KCNH1: variants seen among roughly 807,000 people sequenced by gnomAD.
KCNH1 encodes voltage-gated delayed rectifier potassium channel KCNH1.
In KCNH1, 27 loss-of-function variants were observed where a neutral mutation model predicts 69.2. The ratio of observed to expected loss-of-function variants is 0.39; its 90% confidence interval spans 0.29 to 0.54. The LOEUF is 0.54. Among genes scored for constraint, KCNH1 ranks in the 20% least tolerant of loss-of-function variants. The pLI is 0.68. For missense variants in KCNH1, 798 were observed against 1,261.6 expected (o/e 0.63, Z 5.57); for synonymous variants, 456 against 487.7 (o/e 0.93, Z 0.86).
At chr1:210,975,622 T>G (rs956953659) in intron 6 of KCNH1, among the ~76,000 whole-genome samples, 3 of 152,176 alleles carry the variant, frequency 2.0e-5, no homozygotes, top group African/African-American at 7.2e-5. Flanking sequence ...AAGACTTATA[T>G]GTTAGACCTA....
At chr1:210,815,234 A>G (rs1036068661) in intron 7 of KCNH1, among the ~76,000 whole-genome samples, 1 of 152,212 alleles carries the variant, frequency 6.6e-6, no homozygotes, top group Admixed American at 6.5e-5. Flanking sequence ...TGCTATACCA[A>G]TAAATACTCA....
At chr1:211,063,836 T>C (rs1198456492) in intron 5 of KCNH1, 2 of 151,680 alleles carry the variant, frequency 1.3e-5, no homozygotes, top group African/African-American at 4.8e-5. Context: ...AACTGAAAAA[T>C]AGAATTTTTT....
intron 10 of KCNH1, among the ~76,000 whole-genome samples, chr1:210,716,310 T>C (rs1164139491): frequency 6.6e-6 from 1 of 151,560 alleles, no homozygotes; most frequent in Non-Finnish European, 1.5e-5. Context: ...TGGGCATCTG[T>C]AATCCCAGCT....
chr1:210,758,682 G>A (rs995711085), intron 10 of KCNH1, among the ~76,000 whole-genome samples: 4 of 152,180 alleles, frequency 2.6e-5, no homozygotes, highest in African/African-American at 9.7e-5. Flanking sequence ...AAATGGACCT[G>A]GAGAGGGGAT....
intron 1 of KCNH1, among the ~76,000 whole-genome samples, chr1:211,119,021 T>G (rs574366270): frequency 6.6e-6 from 1 of 152,320 alleles, no homozygotes; most frequent in African/African-American, 2.4e-5. Context: ...CCTGACATTT[T>G]GGAAATAGAA....
At chr1:210,963,493 G>C (rs564138776) in intron 6 of KCNH1, among the ~76,000 whole-genome samples, 2 of 152,074 alleles carry the variant, frequency 1.3e-5, no homozygotes, top group African/African-American at 2.4e-5. Flanking sequence ...ACTCCTCTGA[G>C]CTAAAGGAGC....
At chr1:210,723,826 G>A (rs1000159752) in intron 10 of KCNH1, among the ~76,000 whole-genome samples, 3 of 152,174 alleles carry the variant, frequency 2.0e-5, no homozygotes, top group Non-Finnish European at 4.4e-5. Context: ...AAGCATGGTT[G>A]GGCAGCATTG....
In KCNH1 at chr1:211,082,683, G is replaced by T. The variant is rs576213454; in HGVS notation, c.558+97C>A. On this transcript the variant is annotated intron_variant, in intron 5 of 10. Transcript: ENST00000271751. The stretch of plus-strand genomic sequence containing the variant: ...AGACAGGCGTCTGGGGGTCCTGAAG[G>T]TCCTCTCCATGATTAGCACACTAGT... 4.6e-4 allele frequency: 426 copies of T among 935,590 alleles called. 1 individual carries two copies. In the African/African-American group the frequency reaches 4.9e-3, roughly 11 times the overall value. 58.0% of individuals were successfully genotyped at this position (935,590 alleles called of 1,614,324 possible).
At chr1:210,977,207 C>T (rs1003376925) in intron 6 of KCNH1, among the ~76,000 whole-genome samples, 3 of 152,128 alleles carry the variant, frequency 2.0e-5, no homozygotes, top group Non-Finnish European at 4.4e-5. Flanking sequence ...AAAAACCAAA[C>T]ACCACATGTT....
rs548944181 is a variant in KCNH1 at position 210,780,413 on chromosome 1, A to C, written c.1916-4869T>G. Among the ~76,000 whole-genome samples, 3 of 152,290 alleles carry C rather than the reference A, an allele frequency of 2.0e-5. No individual in the cohort carries two copies. In the South Asian group the frequency reaches 6.2e-4, roughly 32 times the overall value. The stretch of plus-strand genomic sequence containing the variant: ...ACCTGCTGTTGAGATCATTATTTCT[A>C]GACCCAAACCAATTAAAAAAAATTC... On this transcript the variant is annotated intron_variant, in intron 9 of 10. Coordinates refer to ENST00000271751, the MANE Select transcript of KCNH1 (RefSeq NM_172362.3).
intron 5 of KCNH1, among the ~76,000 whole-genome samples, chr1:211,078,917 C>CAAAAAAAAAAAAA (rs769981174): frequency 2.2e-4 from 18 of 83,000 alleles, no homozygotes; most frequent in Admixed American, 3.0e-4. Flanking sequence ...GACTCCGTCT[C>CAAAAAAAAAAAAA]AAAAAAAAAA....
At chr1:211,125,629 A>G (rs1691763469) in intron 1 of KCNH1, among the ~76,000 whole-genome samples, 1 of 152,212 alleles carries the variant, frequency 6.6e-6, no homozygotes, top group Admixed American at 6.5e-5. Context: ...ATCAACTTTC[A>G]AATGCTGACT....
chr1:210,947,474 C>T (rs1489859521), intron 6 of KCNH1, among the ~76,000 whole-genome samples: 1 of 151,426 alleles, frequency 6.6e-6, no homozygotes, highest in Non-Finnish European at 1.5e-5. Context: ...ACTCGGGAGG[C>T]TGAGGCAGGA....
chr1:210,728,604 T>C (rs756266572), intron 10 of KCNH1, among the ~76,000 whole-genome samples: 3 of 152,228 alleles, frequency 2.0e-5, no homozygotes, highest in Non-Finnish European at 2.9e-5. Context: ...GTTTGAGGTA[T>C]GTGTGCAGAG....
chr1:210,824,887 T>C (rs1685003823), intron 7 of KCNH1, among the ~76,000 whole-genome samples: 1 of 152,200 alleles, frequency 6.6e-6, no homozygotes, highest in South Asian at 2.1e-4. Context: ...TTGGAAAATA[T>C]AGATTTGTTG....
At chr1:210,851,722 C>T (rs534743998) in intron 7 of KCNH1, among the ~76,000 whole-genome samples, 67 of 152,308 alleles carry the variant, frequency 4.4e-4, no homozygotes, top group African/African-American at 1.4e-3. Context: ...CAAACCTGTA[C>T]GCCTTGTTAC....
chr1:210,879,660 G>A (rs1347164821), intron 7 of KCNH1, among the ~76,000 whole-genome samples: 1 of 152,010 alleles, frequency 6.6e-6, no homozygotes, highest in Non-Finnish European at 1.5e-5. Flanking sequence ...CATAGTTAAT[G>A]GTGAGAAACT....
intron 7 of KCNH1, among the ~76,000 whole-genome samples, chr1:210,852,605 A>G (rs1408175563): frequency 6.6e-6 from 1 of 152,180 alleles, no homozygotes; most frequent in African/African-American, 2.4e-5. Context: ...CGCCTGTGGA[A>G]TGAGAATTTC....
chr1:210,945,610 T>C (rs1260318445), intron 6 of KCNH1, among the ~76,000 whole-genome samples: 1 of 152,224 alleles, frequency 6.6e-6, no homozygotes, highest in Admixed American at 6.5e-5. Context: ...CCATAAATTC[T>C]GTAATGCTCT....
Sources: allele counts gnomAD v4.1 joint callset (sites outside exome capture counted in the v4.1 genomes callset), GRCh38; gene constraint gnomAD v4.1.1; transcripts MANE v1.5; gene names NCBI Gene and HGNC (gene_info 2026-07-23, HGNC 2026-07-21).